The following VIT variants were observed in gnomAD, a reference collection of about 807,000 sequenced individuals.
The protein encoded by VIT is vitrin.
In VIT, 99 loss-of-function variants were observed where a neutral mutation model predicts 78.0. The observed-to-expected ratio is 1.27, with a 90% CI of 1.08 to 1.50. VIT has a LOEUF of 1.50. Among genes scored for constraint, VIT ranks in the 40% most tolerant of loss-of-function variants. VIT has a pLI of 0.00. For missense variants in VIT, 1,126 were observed against 875.3 expected, an observed-to-expected ratio of 1.29 and a Z score of -3.61; for synonymous variants, 374 against 334.3, an observed-to-expected ratio of 1.12 and a Z score of -1.29.
At chr2:36,697,359 C>A (rs886648907) in intron 1 of VIT, among the ~76,000 whole-genome samples, 9 of 152,140 alleles carry the variant, frequency 5.9e-5, no homozygotes, top group African/African-American at 2.2e-4. Context: ...AGCAATATAG[C>A]AAATTGCTTA....
chr2:36,752,337 A>T (rs182724888), intron 4 of VIT, among the ~76,000 whole-genome samples: 1 of 152,280 alleles, frequency 6.6e-6, no homozygotes, highest in African/African-American at 2.4e-5. Context: ...GCCCACCCTC[A>T]GAACAGCAGC....
intron 3 of VIT, among the ~76,000 whole-genome samples, chr2:36,733,072 A>T (rs1385907798): frequency 6.6e-6 from 1 of 152,224 alleles, no homozygotes; most frequent in African/African-American, 2.4e-5. Context: ...ATGTTCAGGG[A>T]ATCTGGACTT....
chr2:36,777,683 C>T (rs774569350), intron 9 of VIT, among the ~76,000 whole-genome samples: 17 of 152,178 alleles, frequency 1.1e-4, no homozygotes, highest in Non-Finnish European at 2.1e-4. Context: ...CCTGTCTAGA[C>T]ACAATCGAGT....
In VIT at chr2:36,781,691, G is replaced by A. The variant is rs749857931; in HGVS notation, c.803-36G>A. The A allele has an allele frequency of 2.5e-6, 4 of 1,613,092 alleles. No homozygotes were observed. In the African/African-American group the frequency reaches 4.0e-5, roughly 16 times the overall value. On this transcript the variant is annotated intron_variant, in intron 9 of 15. Transcript: ENST00000379242. ...AAGAGTTTCTGCTGGTTTGGTTTAA[G>A]TAACAAGTTTGTTTCTTTTCAATTT... is the stretch of plus-strand genomic sequence containing the variant.
rs538659590 is a variant in VIT at position 36,763,956 on chromosome 2, C to G, written c.488-3138C>G. ...CACGGAAGCCCGTGGAAGCCCATGG[C>G]TGTTAGTTGAATTTATGATACACTT... On this transcript the variant is annotated intron_variant, in intron 6 of 15. Coordinates refer to ENST00000379242, the MANE Select transcript of VIT (RefSeq NM_053276.4). Among the ~76,000 whole-genome samples, 12 of 152,220 alleles carry G rather than the reference C, an allele frequency of 7.9e-5. No homozygotes were observed. In the South Asian group the frequency reaches 2.3e-3, roughly 29 times the overall value.
At chr2:36,783,246 C>A in intron 10 of VIT, 94 bp from the exon 11 acceptor site, 2 of 1,210,774 alleles carry the variant, frequency 1.7e-6, no homozygotes, top group Non-Finnish European at 2.4e-6. Flanking sequence ...AGCCCCCAAG[C>A]TGGGTGTGAA....
rs546935165 is a variant in VIT, at chr2:36,734,817, A to T, written c.118+5326A>T. On this transcript the variant is annotated intron_variant, in intron 3 of 15. Transcript: ENST00000379242. ...GGCTCCAGTGCCCCCCATGGATGTT[A>T]CTTAGCACCACTGGTGGGGGGGCCC... 5.9e-5 allele frequency among the ~76,000 whole-genome samples: 9 copies of T among 152,042 alleles called. No homozygotes were observed. In the South Asian group the frequency reaches 1.9e-3, roughly 32 times the overall value.
In VIT at chr2:36,813,232, T is replaced by C. The variant is rs906914516; in HGVS notation, c.1904-951T>C. 4.6e-5 allele frequency among the ~76,000 whole-genome samples: 7 copies of C among 151,774 alleles called. No homozygotes were observed. The South Asian group carries it at 1.3e-3, about 27-fold the overall frequency. On this transcript the variant is annotated intron_variant, in intron 15 of 15. Transcript: ENST00000379242. ...TGGGAGGCCGAGGCAGGAGGATCAC[T>C]TGAGGTCAGGAGTTCGAGACCAGCC...
intron 1 of VIT, among the ~76,000 whole-genome samples, chr2:36,709,126 A>G (rs1273853947): frequency 6.6e-6 from 1 of 152,170 alleles, no homozygotes; most frequent in East Asian, 1.9e-4. Flanking sequence ...CTCCAGCCTG[A>G]GTGACAGAGC....
intron 5 of VIT, 23 bp from the exon 6 acceptor site, chr2:36,758,946 T>G (rs775746104): frequency 4.5e-6 from 7 of 1,541,158 alleles, no homozygotes; most frequent in African/African-American, 1.4e-5. Flanking sequence ...ATAAATCTCG[T>G]TTTTTTTTTC....
At position 36,704,343 on chromosome 2, in the gene VIT, T is replaced by TG. The variant is rs1665277039; in HGVS notation, c.-19+7371dup. ...ATTAAGTAAAATCACCTGTGTACCATGTGCAGCATATAGGAAACATGTAGT... is the reference window on the plus strand; with the variant it reads ...ATTAAGTAAAATCACCTGTGTACCATGGTGCAGCATATAGGAAACATGTAGT... On this transcript the variant is annotated intron_variant, in intron 1 of 15. Transcript: ENST00000379242. Among the ~76,000 whole-genome samples, 3 of 152,310 alleles carry TG rather than the reference T, an allele frequency of 2.0e-5. No individual in the cohort carries two copies. In the South Asian group the frequency reaches 6.2e-4, roughly 32 times the overall value.
chr2:36,745,435 A>C (rs1050446279), intron 4 of VIT, among the ~76,000 whole-genome samples: 1 of 151,710 alleles, frequency 6.6e-6, no homozygotes, highest in Non-Finnish European at 1.5e-5. Flanking sequence ...TGATTCTTCC[A>C]CTCCATGAGC....
intron 9 of VIT, among the ~76,000 whole-genome samples, chr2:36,777,042 T>C (rs191538770): frequency 0.047 from 6,864 of 145,308 alleles, 227 homozygotes; most frequent in Non-Finnish European, 0.06. Context: ...TGAGCCGAGA[T>C]CACGCCACTG....
chr2:36,782,489 A>G (rs895640743), intron 10 of VIT, among the ~76,000 whole-genome samples: 6 of 152,220 alleles, frequency 3.9e-5, no homozygotes, highest in African/African-American at 1.2e-4. Context: ...GCCAAGCGCG[A>G]GCGAAGACCC....
intron 3 of VIT, among the ~76,000 whole-genome samples, chr2:36,733,223 A>G (rs537671940): frequency 6.6e-6 from 1 of 152,320 alleles, no homozygotes; most frequent in Admixed American, 6.5e-5. Flanking sequence ...CAGGAAATAC[A>G]GCTGTAACTC....
At chr2:36,791,861 T>C (rs1289933655) in intron 12 of VIT, among the ~76,000 whole-genome samples, 3 of 152,148 alleles carry the variant, frequency 2.0e-5, no homozygotes, top group African/African-American at 7.2e-5. Context: ...TTTATGATCA[T>C]TTGTTACAAC....
intron 11 of VIT, among the ~76,000 whole-genome samples, chr2:36,784,916 G>A (rs747015516): frequency 1.4e-4 from 22 of 152,330 alleles, no homozygotes; most frequent in Non-Finnish European, 2.2e-4. Context: ...AAAAGTAACC[G>A]TGGTATCAGC....
At chr2:36,734,999 A>G (rs1490142305) in intron 3 of VIT, among the ~76,000 whole-genome samples, 1 of 152,106 alleles carries the variant, frequency 6.6e-6, no homozygotes, top group Non-Finnish European at 1.5e-5. Flanking sequence ...CCCCGTCTCT[A>G]CTAAAAATAT....
chr2:36,741,865 G>A (rs1311163790), intron 3 of VIT, among the ~76,000 whole-genome samples: 1 of 152,086 alleles, frequency 6.6e-6, no homozygotes, highest in Non-Finnish European at 1.5e-5. Flanking sequence ...GTTCTTCTTG[G>A]CAAAATTTGC....
Sources: gnomAD v4.1 joint callset for allele counts (sites outside exome capture counted in the v4.1 genomes callset) on GRCh38, gnomAD v4.1.1 for gene constraint, MANE v1.5 for transcripts, NCBI Gene and HGNC (gene_info 2026-07-23, HGNC 2026-07-21) for gene names.